The following MAD1L1 variants were observed in gnomAD, a reference collection of about 807,000 sequenced individuals.
MAD1L1 encodes the protein mitotic spindle assembly checkpoint protein MAD1.
In MAD1L1, 95 loss-of-function variants were observed where a neutral mutation model predicts 96.9. That is an observed-to-expected ratio of 0.98 (90% CI 0.83 to 1.16). MAD1L1 has a LOEUF of 1.16. Among genes scored for constraint, MAD1L1 ranks in the 50% most tolerant of loss-of-function variants. The pLI is 0.00. For missense variants in MAD1L1, 1,007 were observed against 954.4 expected, an observed-to-expected ratio of 1.06 and a Z score of -0.73; for synonymous variants, 473 against 396.6, an observed-to-expected ratio of 1.19 and a Z score of -2.29.
At chr7:2,130,083 C>T (rs1788440001) in intron 11 of MAD1L1, among the ~76,000 whole-genome samples, 1 of 152,396 alleles carries the variant, frequency 6.6e-6, no homozygotes, top group East Asian at 1.9e-4. Flanking sequence ...CTGGCTGCCC[C>T]GATGCGCCTC....
At chr7:1,888,816 T>A (rs1429957072) in intron 18 of MAD1L1, among the ~76,000 whole-genome samples, 1 of 152,206 alleles carries the variant, frequency 6.6e-6, no homozygotes, top group Non-Finnish European at 1.5e-5. Context: ...TGGCTGTGCA[T>A]GCGTGGGCAT....
At position 1,893,478 on chromosome 7, in the gene MAD1L1, G is replaced by A. The variant is rs542750525; in HGVS notation, c.1998+4722C>T. ...AAATAAATGACATGGCCAGGAGGCT[G>A]GGGTTTGGCGAGATCTTTCAGGAGC... On this transcript the variant is annotated intron_variant, in intron 18 of 18. Coordinates refer to ENST00000265854, the MANE Select transcript of MAD1L1 (RefSeq NM_001013836.2). 1.5e-4 allele frequency among the ~76,000 whole-genome samples: 23 copies of A among 152,288 alleles called. 1 individual carries two copies. In the South Asian group the frequency reaches 4.3e-3, roughly 29 times the overall value.
intron 11 of MAD1L1, among the ~76,000 whole-genome samples, chr7:2,128,089 C>T (rs1042358726): frequency 6.6e-5 from 10 of 152,194 alleles, no homozygotes; most frequent in Non-Finnish European, 1.5e-4. Flanking sequence ...TCAACTCGGG[C>T]TCTGGTCCGG....
intron 16 of MAD1L1, among the ~76,000 whole-genome samples, chr7:1,957,341 C>A (rs1170069117): frequency 1.3e-5 from 2 of 152,240 alleles, no homozygotes; most frequent in African/African-American, 4.8e-5. Context: ...CCAGCCTCGC[C>A]ACAGCAGATC....
rs1791240830 is a variant in MAD1L1 at position 2,182,337 on chromosome 7, C to T, written c.986+30875G>A. Among the ~76,000 whole-genome samples, 3 of 150,698 alleles carry T rather than the reference C, an allele frequency of 2.0e-5. No individual in the cohort carries two copies. The South Asian group carries it at 6.3e-4, about 32-fold the overall frequency. ...ACGAGGCTAACCATAAGAAAAAAGA[C>T]ATCATAATAAGGGTTAAAAATTCAG... On this transcript the variant is annotated intron_variant, in intron 10 of 18. Coordinates refer to ENST00000265854, the MANE Select transcript of MAD1L1 (RefSeq NM_001013836.2).
chr7:2,147,355 G>A (rs1789360320), intron 11 of MAD1L1, among the ~76,000 whole-genome samples: 1 of 152,208 alleles, frequency 6.6e-6, no homozygotes, highest in Non-Finnish European at 1.5e-5. Context: ...CAGCGCTCCT[G>A]GCGACGGGTG....
intron 18 of MAD1L1, chr7:1,848,298 A>C: frequency 6.2e-6 from 1 of 161,414 alleles, no homozygotes; most frequent in South Asian, 1.8e-4. Context: ...ACCATCGGCC[A>C]CTCGGGTAGA....
intron 14 of MAD1L1, among the ~76,000 whole-genome samples, chr7:1,998,265 T>A (rs1781645550): frequency 6.6e-6 from 1 of 151,668 alleles, no homozygotes; most frequent in Admixed American, 6.6e-5. Context: ...AGGACTGGAG[T>A]GAGCAGCTCC....
At chr7:2,027,881 G>T (rs1348571991) in intron 12 of MAD1L1, among the ~76,000 whole-genome samples, 1 of 152,062 alleles carries the variant, frequency 6.6e-6, no homozygotes, top group African/African-American at 2.4e-5. Context: ...AGGCATGAAA[G>T]GTACGAAGAT....
Position 1,898,233 on chromosome 7 carries a change from G to A in MAD1L1, c.1965C>T (p.Tyr655=), listed in dbSNP as rs773202387. The change falls in exon 18 of 19, where the codon TAC becomes TAT. Residue 655 remains tyrosine, a synonymous_variant. Transcript: ENST00000265854. ...TGAGGCAGTCGCCTGGGTGCTCGGC[G>A]TACAGCGAGGTCAGCCGGTACTGGT... ...TENQYRLTSL[Y]AEHPGDCLIF... 32 of 1,613,354 alleles carry A rather than the reference G, an allele frequency of 2.0e-5. No homozygotes were observed. The highest frequency in any genetic ancestry group is 4.5e-5 in the East Asian group (2 of 44,884).
intron 11 of MAD1L1, among the ~76,000 whole-genome samples, chr7:2,138,585 A>C (rs961663126): frequency 9.2e-5 from 14 of 152,110 alleles, no homozygotes; most frequent in African/African-American, 3.4e-4. Context: ...GCCGGAGGGG[A>C]AGCAGCAGAT....
At chr7:1,838,897 C>T (rs1038534151) in intron 18 of MAD1L1, 61 of 469,736 alleles carry the variant, frequency 1.3e-4, no homozygotes, top group African/African-American at 1.2e-3. Context: ...CCAGGCACAC[C>T]CTGGGGCGGG....
intron 18 of MAD1L1, among the ~76,000 whole-genome samples, chr7:1,881,394 CAATT>C (rs941814593): frequency 1.3e-5 from 2 of 152,100 alleles, no homozygotes; most frequent in Non-Finnish European, 1.5e-5. Flanking sequence ...ATAATTTATC[CAATT>C]AATTAATTTT....
intron 14 of MAD1L1, among the ~76,000 whole-genome samples, chr7:1,981,035 C>T (rs1195706766): frequency 2.6e-5 from 4 of 152,172 alleles, no homozygotes; most frequent in Non-Finnish European, 5.9e-5. Context: ...GGCACAATCT[C>T]GGCTCACTGC....
At chr7:2,176,469 G>T (rs546591638) in intron 10 of MAD1L1, among the ~76,000 whole-genome samples, 12 of 152,248 alleles carry the variant, frequency 7.9e-5, no homozygotes, top group African/African-American at 2.9e-4. Flanking sequence ...CCCGGCCAAT[G>T]TAATAATGTG....
chr7:2,145,591 G>A (rs907853410), intron 11 of MAD1L1, among the ~76,000 whole-genome samples: 9 of 152,198 alleles, frequency 5.9e-5, no homozygotes, highest in South Asian at 2.1e-4. Context: ...AGCTAACTCC[G>A]AGATATGGTG....
intron 11 of MAD1L1, among the ~76,000 whole-genome samples, chr7:2,137,251 T>C (rs1165099564): frequency 3.9e-5 from 6 of 152,232 alleles, no homozygotes; most frequent in Non-Finnish European, 7.3e-5. Flanking sequence ...ATTCAAGTAG[T>C]ATTCATTTCT....
intron 11 of MAD1L1, among the ~76,000 whole-genome samples, chr7:2,107,990 C>G (rs561632285): frequency 2.0e-4 from 30 of 152,230 alleles, no homozygotes; most frequent in African/African-American, 6.7e-4. Flanking sequence ...CCCCACCCCC[C>G]ACCAACAGGA....
chr7:2,207,090 A>G (rs989203033), intron 10 of MAD1L1, among the ~76,000 whole-genome samples: 8 of 152,072 alleles, frequency 5.3e-5, no homozygotes, highest in African/African-American at 1.4e-4. Context: ...AAAAAAAAAA[A>G]AAAAAGAAAT....
Sources: gnomAD v4.1 joint callset for allele counts (sites outside exome capture counted in the v4.1 genomes callset) on GRCh38, gnomAD v4.1.1 for gene constraint, MANE v1.5 for transcripts, NCBI Gene and HGNC (gene_info 2026-07-23, HGNC 2026-07-21) for gene names.